ELMO1: variants seen among roughly 807,000 people sequenced by gnomAD.
The protein encoded by ELMO1 is engulfment and cell motility 1.
Under a neutral mutation model 98.9 loss-of-function variants are expected in ELMO1, and 26 were observed. The observed-to-expected ratio is 0.26, with a 90% CI of 0.19 to 0.36. The LOEUF (loss-of-function observed/expected upper bound fraction) is 0.36, where lower values mean the gene tolerates loss of function less well. ELMO1 is among the 10% of genes least tolerant of loss of function. The pLI is 1.00. For synonymous variants in ELMO1, 346 were observed against 346.0 expected (o/e 1.00, Z 0.00); for missense variants, 627 against 935.2 (o/e 0.67, Z 4.30).
Position 36,937,699 on chromosome 7 carries a change from T to C in ELMO1, c.1438-42682A>G, listed in dbSNP as rs117040797. On this transcript the variant is annotated intron_variant, in intron 16 of 21. Coordinates refer to ENST00000310758, the MANE Select transcript of ELMO1 (RefSeq NM_014800.11). ...CAGATGTCCTCTATTGACAATAGTGTATGCTACTGCTAATAGTCTAAGATT... is the reference window on the plus strand; with the variant it reads ...CAGATGTCCTCTATTGACAATAGTGCATGCTACTGCTAATAGTCTAAGATT... 1.3e-3 allele frequency among the ~76,000 whole-genome samples: 199 copies of C among 152,364 alleles called. 2 individuals are homozygous for C. The East Asian group carries it at 0.027, about 21-fold the overall frequency.
rs867233763 is a variant in ELMO1 at position 36,969,617 on chromosome 7, T to C, written c.1437+43682A>G. Among the ~76,000 whole-genome samples the C allele has an allele frequency of 2.4e-4, 37 of 152,250 alleles. 1 individual carries two copies. Among genetic ancestry groups the C allele is most frequent in the African/African-American group, 8.9e-4 (37 of 41,550 alleles). On this transcript the variant is annotated intron_variant, in intron 16 of 21. Transcript: ENST00000310758. ...AGCTGCTGGTGGTGGTATATGTGTG[T>C]AGTATGTGGTGGGGGTGTGGGGTAG... is the stretch of plus-strand genomic sequence containing the variant.
intron 13 of ELMO1, among the ~76,000 whole-genome samples, chr7:37,196,440 G>A (rs1307491168): frequency 6.6e-6 from 1 of 152,194 alleles, no homozygotes; most frequent in Admixed American, 6.5e-5. Flanking sequence ...TGAGATTCAG[G>A]AAGGACGATG....
intron 15 of ELMO1, among the ~76,000 whole-genome samples, chr7:37,036,143 A>G (rs1207467014): frequency 1.3e-5 from 2 of 152,146 alleles, no homozygotes; most frequent in Non-Finnish European, 2.9e-5. Flanking sequence ...GGATATTTCT[A>G]GGCTACACAG....
At chr7:37,053,285 A>AACACAC (rs59573752) in intron 15 of ELMO1, among the ~76,000 whole-genome samples, 5,492 of 138,786 alleles carry the variant, frequency 0.04, 165 homozygotes, top group African/African-American at 0.074. Context: ...CATTTGTTAA[A>AACACAC]ACACACACAC....
chr7:37,314,291 C>T (rs1799037908), intron 4 of ELMO1, among the ~76,000 whole-genome samples: 1 of 152,146 alleles, frequency 6.6e-6, no homozygotes, highest in Non-Finnish European at 1.5e-5. Flanking sequence ...CTTCCTCTAT[C>T]AGGGATCTTG....
chr7:37,134,552 C>G (rs560604916), intron 13 of ELMO1, among the ~76,000 whole-genome samples: 560 of 137,738 alleles, frequency 4.1e-3, no homozygotes, highest in Middle Eastern at 7.1e-3. Flanking sequence ...GGGCAAGACT[C>G]CATCTCAAAA....
chr7:36,884,081 G>A (rs1241182313), intron 18 of ELMO1, among the ~76,000 whole-genome samples: 1 of 152,084 alleles, frequency 6.6e-6, no homozygotes, highest in Non-Finnish European at 1.5e-5. Context: ...CAGCACTTTG[G>A]GAGGCAAGGC....
intron 15 of ELMO1, among the ~76,000 whole-genome samples, chr7:37,066,401 C>T (rs769220696): frequency 4.6e-5 from 7 of 152,090 alleles, no homozygotes; most frequent in East Asian, 1.9e-4. Context: ...TCTCTCAGCA[C>T]GAAGTGATTC....
intron 5 of ELMO1, among the ~76,000 whole-genome samples, chr7:37,260,979 T>C (rs538476861): frequency 1.3e-5 from 2 of 152,364 alleles, no homozygotes; most frequent in South Asian, 4.1e-4. Flanking sequence ...AAGCAAATCA[T>C]TTCAAATTCC....
chr7:37,101,532 A>G (rs894700287), intron 14 of ELMO1, among the ~76,000 whole-genome samples: 1 of 152,168 alleles, frequency 6.6e-6, no homozygotes, highest in Non-Finnish European at 1.5e-5. Context: ...GAACAGGCAA[A>G]AAGTTAAAAA....
chr7:37,284,795 CA>C (rs1490823285), intron 4 of ELMO1, among the ~76,000 whole-genome samples: 1 of 151,136 alleles, frequency 6.6e-6, no homozygotes, highest in Non-Finnish European at 1.5e-5. Flanking sequence ...AAGCTAAAAG[CA>C]AGCCCAAATA....
At chr7:37,190,040 C>CAAAA (rs34898853) in intron 13 of ELMO1, among the ~76,000 whole-genome samples, 8 of 135,834 alleles carry the variant, frequency 5.9e-5, no homozygotes, top group Admixed American at 1.5e-4. Context: ...TTGTCCCTAC[C>CAAAA]AAAAAAAAAA....
chr7:36,899,088 G>A (rs1017687955), intron 16 of ELMO1, among the ~76,000 whole-genome samples: 1 of 152,234 alleles, frequency 6.6e-6, no homozygotes, highest in African/African-American at 2.4e-5. Flanking sequence ...GGAGAACATA[G>A]CCATGGGTGG....
chr7:36,921,893 G>C (rs1256601799), intron 16 of ELMO1, among the ~76,000 whole-genome samples: 2 of 152,184 alleles, frequency 1.3e-5, no homozygotes, highest in Non-Finnish European at 2.9e-5. Context: ...TAATACCTAA[G>C]AGTGGTAAGA....
intron 13 of ELMO1, among the ~76,000 whole-genome samples, chr7:37,137,879 C>T (rs1787370265): frequency 6.6e-6 from 1 of 152,136 alleles, no homozygotes; most frequent in Non-Finnish European, 1.5e-5. Context: ...ATATCAAGTA[C>T]TCTCTCAGAC....
intron 15 of ELMO1, among the ~76,000 whole-genome samples, chr7:37,050,609 A>ACAC (rs1796047542): frequency 7.7e-6 from 1 of 129,534 alleles, no homozygotes; most frequent in Non-Finnish European, 1.6e-5. Context: ...AGGTGCTCTG[A>ACAC]ACACACACAC....
chr7:37,026,422 A>T (rs1794582276), intron 15 of ELMO1, among the ~76,000 whole-genome samples: 1 of 152,180 alleles, frequency 6.6e-6, no homozygotes, highest in African/African-American at 2.4e-5. Flanking sequence ...AATGCCAAGG[A>T]TTGCTCATTG....
chr7:37,156,225 A>G (rs1171918505), intron 13 of ELMO1, among the ~76,000 whole-genome samples: 2 of 152,244 alleles, frequency 1.3e-5, no homozygotes, highest in Admixed American at 6.5e-5. Context: ...GAAAGCAGGA[A>G]AGATCCAAAA....
intron 16 of ELMO1, among the ~76,000 whole-genome samples, chr7:36,982,625 C>G (rs1459246029): frequency 2.0e-5 from 3 of 152,172 alleles, no homozygotes. Context: ...GCAAGCATAG[C>G]CAAGAACCCA....
Sources: allele counts gnomAD v4.1 joint callset (sites outside exome capture counted in the v4.1 genomes callset), GRCh38; gene constraint gnomAD v4.1.1; transcripts MANE v1.5; gene names NCBI Gene and HGNC (gene_info 2026-07-23, HGNC 2026-07-21).